STK10: variants seen among roughly 807,000 people sequenced by gnomAD.
The protein encoded by STK10 is serine/threonine kinase 10, also known as serine/threonine-protein kinase 10.
A neutral mutation model predicts 113.8 loss-of-function variants in STK10; 78 were observed. That is an observed-to-expected ratio of 0.69 (90% confidence interval 0.57 to 0.83). The LOEUF (loss-of-function observed/expected upper bound fraction) is 0.83. STK10 is among the 40% of genes least tolerant of loss of function. The pLI is 0.00. For missense variants in STK10, 1,109 were observed against 1,280.1 expected (o/e 0.87, Z 2.04); for synonymous variants, 465 against 494.7 (o/e 0.94, Z 0.80).
chr5:172,094,157 C>T (rs1433892780), intron 8 of STK10, among the ~76,000 whole-genome samples, 197 bp from the exon 9 acceptor site: 1 of 152,076 alleles, frequency 6.6e-6, no homozygotes, highest in Non-Finnish European at 1.5e-5. Context: ...TATTTTGAGG[C>T]ATGGCAATCT....
chr5:172,084,911 G>C (rs1342685174), intron 10 of STK10, among the ~76,000 whole-genome samples: 1 of 152,104 alleles, frequency 6.6e-6, no homozygotes, highest in African/African-American at 2.4e-5. Flanking sequence ...TTTGATTTGG[G>C]ATGTTTAACC....
chr5:172,070,106 G>A (rs1334120794), intron 12 of STK10, among the ~76,000 whole-genome samples: 2 of 151,960 alleles, frequency 1.3e-5, no homozygotes, highest in Admixed American at 6.6e-5. Flanking sequence ...AAATTAGCTG[G>A]GTGTGGTGGC....
At chr5:172,090,003 G>A (rs1278418039) in intron 10 of STK10, among the ~76,000 whole-genome samples, 1 of 152,082 alleles carries the variant, frequency 6.6e-6, no homozygotes, top group East Asian at 1.9e-4. Context: ...GTAGATAGGT[G>A]AGTAGGTGGA....
At chr5:172,070,665 T>C (rs1211286497) in intron 12 of STK10, among the ~76,000 whole-genome samples, 1 of 151,778 alleles carries the variant, frequency 6.6e-6, no homozygotes, top group East Asian at 1.9e-4. Context: ...GAAAAATCAA[T>C]GAAACCAAAA....
rs561309832 is a variant in STK10, at chr5:172,149,875, G to A, written c.321+6749C>T. Among the ~76,000 whole-genome samples, 362 of 151,716 alleles carry A rather than the reference G, an allele frequency of 2.4e-3. 2 individuals are homozygous for A. Among genetic ancestry groups the A allele is most frequent in the African/African-American group, 8.2e-3 (338 of 41,366 alleles). On this transcript the variant is annotated intron_variant, in intron 2 of 18. Coordinates refer to ENST00000176763, the MANE Select transcript of STK10 (RefSeq NM_005990.4). ...AGCCTGGTCAACATGGTGAAACCTCGTCTCTACTAAATATACAAAAAATTA... is the reference window on the plus strand; with the variant it reads ...AGCCTGGTCAACATGGTGAAACCTCATCTCTACTAAATATACAAAAAATTA...
At chr5:172,079,641 A>C (rs1768388911) in intron 12 of STK10, among the ~76,000 whole-genome samples, 1 of 151,968 alleles carries the variant, frequency 6.6e-6, no homozygotes, top group Non-Finnish European at 1.5e-5. Flanking sequence ...GGCTCACTGC[A>C]ACCTCCGTCT....
Position 172,106,401 on chromosome 5 carries a change from C to CA in STK10, c.788+218dup, listed in dbSNP as rs368671444. Among the ~76,000 whole-genome samples the CA allele has an allele frequency of 4.4e-3, 234 of 53,452 alleles. 12 individuals carry two copies. Among genetic ancestry groups the CA allele is most frequent in the African/African-American group, 9.9e-3 (180 of 18,274 alleles). The allele number at this position is 53,452 out of a possible 152,430, so 35.1% of individuals were successfully genotyped here. A position where few individuals can be genotyped will look rare whatever the true frequency, so the allele number is the denominator to read the frequency against. On this transcript the variant is annotated intron_variant, in intron 6 of 18. Transcript: ENST00000176763. ...TGGGCAAAAGAGTGAGACCCTATCT[C>CA]AAAAAAAAAAAAAAAAAGGAACACA...
At chr5:172,094,396 T>C (rs1768800289) in intron 8 of STK10, among the ~76,000 whole-genome samples, 1 of 152,172 alleles carries the variant, frequency 6.6e-6, no homozygotes, top group Non-Finnish European at 1.5e-5. Flanking sequence ...AGGGTCTTGC[T>C]CTGTCACCCA....
At chr5:172,064,345 ATCACAAGT>A (rs535719283) in intron 13 of STK10, 321 of 245,840 alleles carry the variant, frequency 1.3e-3, no homozygotes, top group African/African-American at 6.5e-3. Flanking sequence ...GGTCTGGGAC[ATCACAAGT>A]TTGATGTCCT....
At chr5:172,182,308 G>GAAAA (rs567194724) in intron 1 of STK10, among the ~76,000 whole-genome samples, 1 of 92,130 alleles carries the variant, frequency 1.1e-5, no homozygotes, top group Non-Finnish European at 2.2e-5. Context: ...GTCTCAGAGG[G>GAAAA]AAAAAAAAAA....
chr5:172,097,924 G>A (rs887610965), intron 7 of STK10, among the ~76,000 whole-genome samples: 9 of 152,196 alleles, frequency 5.9e-5, no homozygotes, highest in African/African-American at 2.2e-4. Flanking sequence ...GGTATCCTGA[G>A]TGAGGGCACC....
chr5:172,139,355 G>A (rs1042349133), intron 2 of STK10, among the ~76,000 whole-genome samples: 11 of 152,044 alleles, frequency 7.2e-5, no homozygotes, highest in Non-Finnish European at 1.0e-4. Flanking sequence ...TAGATCAAGA[G>A]AACAGAATAG....
At chr5:172,105,947 G>A (rs1002725733) in intron 6 of STK10, among the ~76,000 whole-genome samples, 3 of 152,202 alleles carry the variant, frequency 2.0e-5, no homozygotes, top group Non-Finnish European at 4.4e-5. Flanking sequence ...GAGCAGGGAC[G>A]TGCCCAGGCC....
chr5:172,116,397 A>C (rs1002198490), intron 4 of STK10, among the ~76,000 whole-genome samples: 2 of 152,096 alleles, frequency 1.3e-5, no homozygotes, highest in African/African-American at 4.8e-5. Context: ...TCATTACTTT[A>C]AAAAATGCAT....
chr5:172,177,620 C>T (rs1318986837), intron 1 of STK10, among the ~76,000 whole-genome samples: 2 of 152,176 alleles, frequency 1.3e-5, no homozygotes, highest in African/African-American at 4.8e-5. Flanking sequence ...TCAAAGACTT[C>T]GCATGAAAAA....
intron 2 of STK10, among the ~76,000 whole-genome samples, chr5:172,152,852 A>G (rs1770266037): frequency 6.6e-6 from 1 of 152,254 alleles, no homozygotes; most frequent in Non-Finnish European, 1.5e-5. Context: ...GAAAAAAAGT[A>G]AAATAGCTCA....
intron 15 of STK10, 63 bp from the exon 16 acceptor site, chr5:172,055,839 G>A: frequency 1.5e-6 from 2 of 1,348,842 alleles, no homozygotes; most frequent in South Asian, 2.1e-5. Context: ...CGTGGTCACA[G>A]GCTAAAGGTC....
At chr5:172,177,249 C>A (rs1051425212) in intron 1 of STK10, among the ~76,000 whole-genome samples, 4 of 152,092 alleles carry the variant, frequency 2.6e-5, no homozygotes, top group African/African-American at 9.7e-5. Flanking sequence ...AGCGAGAAGG[C>A]ACCATCTATG....
intron 4 of STK10, among the ~76,000 whole-genome samples, chr5:172,113,913 C>CA (rs11382952): frequency 0.039 from 4,744 of 122,140 alleles, 228 homozygotes; most frequent in African/African-American, 0.12. Flanking sequence ...AACTCCATCT[C>CA]AAAAAAAAAA....
Sources: allele counts gnomAD v4.1 joint callset (sites outside exome capture counted in the v4.1 genomes callset), GRCh38; gene constraint gnomAD v4.1.1; transcripts MANE v1.5; gene names NCBI Gene and HGNC (gene_info 2026-07-23, HGNC 2026-07-21).